Variants in RASEF observed in about 807,000 individuals in gnomAD.
RASEF encodes RAS and EF-hand domain containing.
A neutral mutation model predicts 90.1 loss-of-function variants in RASEF; 68 were observed. The observed-to-expected ratio is 0.75, with a 90% CI of 0.62 to 0.92. RASEF has a LOEUF of 0.92. Ranked by LOEUF, RASEF falls within the 40% of genes least tolerant of loss-of-function variation. RASEF has a pLI of 0.00. For missense variants in RASEF, 949 were observed against 937.2 expected (o/e 1.01, Z -0.16); for synonymous variants, 331 against 345.2 (o/e 0.96, Z 0.46).
At chr9:83,072,006 C>A in the RASEF span, among the ~76,000 whole-genome samples, 1 of 152,164 alleles carries the variant, frequency 6.6e-6, no homozygotes, top group Non-Finnish European at 1.5e-5. Flanking sequence ...TTAGTCTCCA[C>A]CTCTCGATGC....
chr9:83,113,392 G>C, the RASEF span, among the ~76,000 whole-genome samples: 1 of 152,150 alleles, frequency 6.6e-6, no homozygotes, highest in African/African-American at 2.4e-5. Flanking sequence ...TGTAAAACAT[G>C]TGTGTTTGAA....
chr9:83,011,560 A>AAAC (rs1164954416), intron 5 of RASEF, among the ~76,000 whole-genome samples: 1 of 149,484 alleles, frequency 6.7e-6, no homozygotes, highest in Non-Finnish European at 1.5e-5. Flanking sequence ...CAAAAAAAAA[A>AAAC]AAAAAAAAAA....
chr9:83,025,708 T>C, intron 2 of RASEF, 67 bp downstream of exon 2: 1 of 1,511,412 alleles, frequency 6.6e-7, no homozygotes, highest in East Asian at 2.3e-5. Context: ...TTCAGTCCAT[T>C]TGCCACCCAG....
intron 1 of RASEF, chr9:83,048,137 C>G: frequency 1.0e-6 from 1 of 985,370 alleles, no homozygotes; most frequent in African/African-American, 1.7e-5. Flanking sequence ...TGGAGGCCTC[C>G]ACGTTTGTAA....
chr9:83,062,336 A>G (rs977815259), intron 1 of RASEF, 101 bp downstream of exon 1: 8 of 983,034 alleles, frequency 8.1e-6, no homozygotes, highest in African/African-American at 4.1e-5. Context: ...CACAGAGAAG[A>G]CTAGGGGGGG....
At chr9:83,058,113 T>C (rs920695092) in intron 1 of RASEF, among the ~76,000 whole-genome samples, 6 of 146,638 alleles carry the variant, frequency 4.1e-5, no homozygotes, top group African/African-American at 1.2e-4. Flanking sequence ...TGTCCCCCTC[T>C]GCCACTCTAT....
At chr9:83,096,725 C>T in the RASEF span, among the ~76,000 whole-genome samples, 3 of 151,902 alleles carry the variant, frequency 2.0e-5, no homozygotes, top group Non-Finnish European at 4.4e-5. Flanking sequence ...TGGTATGCTG[C>T]ACCCATTAAC....
rs1226096064 is a variant in RASEF, at chr9:82,980,627, AAC to A, written c.*2048_*2049del. ...AAGGCAACACAGTAACATATAAACT[AAC>A]ACAGTTTTGTGCAACTGCACCAAAA... On this transcript the variant is annotated 3_prime_UTR_variant, in exon 17 of 17. Transcript: ENST00000376447. The A allele has an allele frequency of 6.6e-5, 10 of 152,212 alleles. No individual in the cohort carries two copies. The highest frequency in any genetic ancestry group is 5.9e-4 in the Admixed American group (9 of 15,284). The allele number at this position is 152,212 out of a possible 1,614,324, so 9.4% of individuals were successfully genotyped here.
chr9:83,127,183 G>A, the RASEF span, among the ~76,000 whole-genome samples: 1 of 152,158 alleles, frequency 6.6e-6, no homozygotes, highest in Non-Finnish European at 1.5e-5. Context: ...TTGAAGTACT[G>A]ATAAGCATAA....
At chr9:82,996,764 T>C (rs928982422) in intron 14 of RASEF, among the ~76,000 whole-genome samples, 1 of 152,182 alleles carries the variant, frequency 6.6e-6, no homozygotes, top group African/African-American at 2.4e-5. Context: ...ATTTTATCTA[T>C]AAGAAAACCT....
the RASEF span, among the ~76,000 whole-genome samples, chr9:83,085,837 A>T: frequency 7.9e-5 from 12 of 152,244 alleles, no homozygotes; most frequent in African/African-American, 2.9e-4. Context: ...AGACAGAAGA[A>T]TCGCTGGAAT....
the RASEF span, among the ~76,000 whole-genome samples, chr9:83,093,726 G>C: frequency 6.6e-6 from 1 of 152,232 alleles, no homozygotes; most frequent in East Asian, 1.9e-4. Flanking sequence ...TCTGGCTCTG[G>C]CCTTGGCCAG....
chr9:83,008,774 C>T (rs1421170360), intron 6 of RASEF, among the ~76,000 whole-genome samples: 1 of 151,498 alleles, frequency 6.6e-6, no homozygotes. Flanking sequence ...GATCACACAG[C>T]AATTAACCCA....
the RASEF span, among the ~76,000 whole-genome samples, chr9:83,156,941 C>T: frequency 6.6e-6 from 1 of 152,236 alleles, no homozygotes; most frequent in Non-Finnish European, 1.5e-5. Flanking sequence ...TAATTCATCT[C>T]TCTTTCCCCA....
intron 1 of RASEF, among the ~76,000 whole-genome samples, chr9:83,049,525 C>A (rs1016727713): frequency 7.8e-6 from 1 of 127,676 alleles, no homozygotes; most frequent in African/African-American, 3.1e-5. Context: ...ACCTTTCTGC[C>A]TTCCTTTTTT....
chr9:83,184,485 C>T, the RASEF span, among the ~76,000 whole-genome samples: 2 of 152,070 alleles, frequency 1.3e-5, no homozygotes, highest in Admixed American at 6.5e-5. Context: ...CATCACACAC[C>T]CCTACGTGGT....
the RASEF span, among the ~76,000 whole-genome samples, chr9:83,198,696 G>A: frequency 0.056 from 8,454 of 152,144 alleles, 749 homozygotes; most frequent in African/African-American, 0.19. Flanking sequence ...AACTTGTTTC[G>A]CTCTCAGCGA....
chr9:83,043,397 T>TGGG lies in RASEF; in HGVS notation c.432-17479_432-17477dup, dbSNP rs33937452. Among the ~76,000 whole-genome samples the TGGG allele has an allele frequency of 2.5e-3, 298 of 119,416 alleles. 3 individuals are homozygous for TGGG. Among genetic ancestry groups the TGGG allele is most frequent in the African/African-American group, 7.7e-3 (264 of 34,120 alleles). 78.3% of individuals were successfully genotyped at this position (119,416 alleles called of 152,430 possible). A position where few individuals can be genotyped will look rare whatever the true frequency, so the allele number is the denominator to read the frequency against. On this transcript the variant is annotated intron_variant, in intron 1 of 16. Coordinates refer to ENST00000376447, the MANE Select transcript of RASEF (RefSeq NM_152573.4). ...TCTGGAAAGAGGGGTCTGCAGTGAT[T>TGGG]GGGGGGGGGGACCCTGGGCTTCTGC... is the stretch of plus-strand genomic sequence containing the variant.
the RASEF span, among the ~76,000 whole-genome samples, chr9:83,205,692 C>T: frequency 6.6e-6 from 1 of 152,190 alleles, no homozygotes; most frequent in Non-Finnish European, 1.5e-5. Flanking sequence ...GTATCTTACA[C>T]ATGGTAGACC....
Sources: gnomAD v4.1 joint callset for allele counts (sites outside exome capture counted in the v4.1 genomes callset) on GRCh38, gnomAD v4.1.1 for gene constraint, MANE v1.5 for transcripts, NCBI Gene and HGNC (gene_info 2026-07-23, HGNC 2026-07-21) for gene names.